The following SLC2A14 variants were observed in gnomAD, a reference collection of about 807,000 sequenced individuals.
SLC2A14 encodes solute carrier family 2 member 14, also known as solute carrier family 2, facilitated glucose transporter member 14.
SLC2A14 carries 13 observed loss-of-function variants against 43.0 expected under a neutral mutation model. That is an observed-to-expected ratio of 0.30 (90% CI 0.20 to 0.48). SLC2A14 has a LOEUF of 0.48. Among genes scored for constraint, SLC2A14 ranks in the 20% least tolerant of loss-of-function variants. The probability of loss-of-function intolerance (pLI) is 0.99; values close to 1 mark genes in which losing one functional copy is unlikely to be tolerated. For missense variants in SLC2A14, 428 were observed against 620.4 expected, an observed-to-expected ratio of 0.69 and a Z score of 3.29; for synonymous variants, 190 against 233.8, an observed-to-expected ratio of 0.81 and a Z score of 1.71.
intron 2 of SLC2A14, among the ~76,000 whole-genome samples, chr12:7,854,365 A>G (rs754973845): frequency 6.6e-6 from 1 of 152,266 alleles, no homozygotes; most frequent in South Asian, 2.1e-4. Context: ...ATACTCTTAG[A>G]TTCCTTCCAC....
At chr12:7,834,134 C>A (rs1009529500) in intron 2 of SLC2A14, among the ~76,000 whole-genome samples, 2 of 152,014 alleles carry the variant, frequency 1.3e-5, no homozygotes, top group Admixed American at 6.6e-5. Context: ...AAATCTTTTT[C>A]TTTTTAGTAA....
chr12:7,890,845 GC>G lies in SLC2A14; in HGVS notation c.132+150del, dbSNP rs1428007856. The stretch of plus-strand genomic sequence containing the variant: ...CTTTGGACAGCTGCGGGCAAGCTCA[GC>G]CTCGGTGAGTCTTGGTGGCCTTGAC... On this transcript the variant is annotated intron_variant, in intron 1 of 9. Coordinates refer to the SLC2A14 transcript ENST00000539924. 7.8e-6 allele frequency: 6 copies of G among 770,538 alleles called. No homozygotes were observed. The Admixed American group carries it at 2.0e-4, about 26-fold the overall frequency. The allele number at this position is 770,538 out of a possible 1,614,324, so 47.7% of individuals were successfully genotyped here.
intron 2 of SLC2A14, among the ~76,000 whole-genome samples, chr12:7,850,013 G>A (rs1426161890): frequency 1.4e-5 from 2 of 146,298 alleles, no homozygotes; most frequent in Non-Finnish European, 1.5e-5. Context: ...TGCTGGAGGG[G>A]ACAAGACAAG....
At chr12:7,833,703 C>A (rs1211547509) in intron 2 of SLC2A14, among the ~76,000 whole-genome samples, 1 of 151,848 alleles carries the variant, frequency 6.6e-6, no homozygotes, top group Non-Finnish European at 1.5e-5. Context: ...GATCGCTTGA[C>A]CCTGAGAGGC....
In SLC2A14 at chr12:7,836,062, CCCTT is replaced by C. The variant is rs1242598021; in HGVS notation, c.19-3252_19-3249del. ...GAAGGTCTTCCTTCCTCTTTCCTCT[CCCTT>C]CTTCAAAAATGAATCCGTTCCACAT... On this transcript the variant is annotated intron_variant, in intron 2 of 10. Coordinates refer to ENST00000431042, the MANE Select transcript of SLC2A14 (RefSeq NM_001286234.2). Among the ~76,000 whole-genome samples the C allele has an allele frequency of 2.6e-5, 4 of 152,144 alleles. No individual in the cohort carries two copies. In the East Asian group the frequency reaches 7.7e-4, roughly 29 times the overall value.
chr12:7,832,340 T>C (rs1592191198), intron 3 of SLC2A14, among the ~76,000 whole-genome samples: 4 of 152,146 alleles, frequency 2.6e-5, no homozygotes, highest in Admixed American at 2.6e-4. Context: ...CCCTAAGGGA[T>C]AATACAGGAA....
chr12:7,833,165 A>G (rs1865173330), intron 2 of SLC2A14, among the ~76,000 whole-genome samples: 1 of 152,196 alleles, frequency 6.6e-6, no homozygotes. Context: ...AAAGAGGACA[A>G]CACAGCCTTG....
chr12:7,867,498 A>C (rs7305822), intron 2 of SLC2A14, among the ~76,000 whole-genome samples: 1 of 151,590 alleles, frequency 6.6e-6, no homozygotes. Context: ...GAATTGTTGC[A>C]ATCTCATAAG....
upstream of SLC2A14, among the ~76,000 whole-genome samples, chr12:7,874,823 TA>T (rs1242125562): frequency 4.7e-5 from 3 of 63,208 alleles, no homozygotes; most frequent in African/African-American, 1.9e-4. Flanking sequence ...TATTTATATA[TA>T]AATTATATAT....
At position 7,827,073 on chromosome 12, in the gene SLC2A14, CTCTTTCTTTCTTTCTTTCTTTCTCTT is replaced by C. The variant is rs1426537691; in HGVS notation, c.864+396_864+421del. On this transcript the variant is annotated intron_variant, in intron 7 of 10. Coordinates refer to ENST00000431042, the MANE Select transcript of SLC2A14 (RefSeq NM_001286234.2). ...TCTCTCTCTCTTTCTTTCTCTCTCT[CTCTTTCTTTCTTTCTTTCTTTCTCTT>C]TCTTTCTTTCTTTCTTTTTATTTCT... is the stretch of plus-strand genomic sequence containing the variant. Among the ~76,000 whole-genome samples, 13 of 118,162 alleles carry C rather than the reference CTCTTTCTTTCTTTCTTTCTTTCTCTT, an allele frequency of 1.1e-4. No individual in the cohort carries two copies. The South Asian group carries it at 3.7e-3, about 33-fold the overall frequency. The allele number at this position is 118,162 out of a possible 152,430, so 77.5% of individuals were successfully genotyped here. A position where few individuals can be genotyped will look rare whatever the true frequency, so the allele number is the denominator to read the frequency against.
At chr12:7,841,742 T>C (rs1459401026) in intron 2 of SLC2A14, among the ~76,000 whole-genome samples, 2 of 152,114 alleles carry the variant, frequency 1.3e-5, no homozygotes, top group Admixed American at 6.6e-5. Context: ...GTGCAGTGGC[T>C]AACGCCTGTA....
At chr12:7,887,063 C>G (rs772769009) in intron 1 of SLC2A14, among the ~76,000 whole-genome samples, 2 of 151,998 alleles carry the variant, frequency 1.3e-5, no homozygotes, top group East Asian at 1.9e-4. Flanking sequence ...AGGCACCCAC[C>G]ACCACGCCCG....
chr12:7,855,500 G>A (rs1867285890), intron 2 of SLC2A14, among the ~76,000 whole-genome samples: 1 of 152,004 alleles, frequency 6.6e-6, no homozygotes, highest in Non-Finnish European at 1.5e-5. Flanking sequence ...CAGCAAAGTT[G>A]GGAGCTTAAG....
upstream of SLC2A14, among the ~76,000 whole-genome samples, chr12:7,875,015 A>T (rs1392429473): frequency 6.1e-4 from 66 of 107,416 alleles, 6 homozygotes; most frequent in South Asian, 1.6e-3. Flanking sequence ...CATATATAAA[A>T]ATTATATATA....
At chr12:7,882,194 A>G (rs1365388363) in intron 1 of SLC2A14, among the ~76,000 whole-genome samples, 1 of 151,990 alleles carries the variant, frequency 6.6e-6, no homozygotes, top group Non-Finnish European at 1.5e-5. Context: ...CTGTAGCTTT[A>G]CTTTTGAAGC....
chr12:7,831,099 A>G (rs6488691), intron 4 of SLC2A14, among the ~76,000 whole-genome samples: 148,602 of 149,108 alleles, frequency 1, 74,053 homozygotes, highest in Middle Eastern at 1. Context: ...ACTCCAGCCT[A>G]GGTGACAAGA....
chr12:7,843,972 TA>T (rs1253186172), intron 2 of SLC2A14, among the ~76,000 whole-genome samples: 2 of 151,324 alleles, frequency 1.3e-5, no homozygotes, highest in Admixed American at 6.6e-5. Context: ...TCTTTTCTTT[TA>T]TTTTTTTCTA....
intron 2 of SLC2A14, among the ~76,000 whole-genome samples, chr12:7,833,277 GGTA>G (rs1291753021): frequency 6.6e-6 from 1 of 152,122 alleles, no homozygotes; most frequent in Admixed American, 6.5e-5. Context: ...AGGGGGAGGT[GGTA>G]GTAGTTTGTG....
Position 7,818,042 on chromosome 12 carries a change from A to C in SLC2A14, c.1072-8T>G. The C allele has an allele frequency of 6.2e-7, 1 of 1,611,808 alleles. No individual in the cohort carries two copies. Among genetic ancestry groups the C allele is most frequent in the South Asian group, 1.1e-5 (1 of 90,810 alleles). On this transcript the variant is annotated splice_polypyrimidine_tract_variant and splice_region_variant and intron_variant, in intron 9 of 10. Coordinates refer to ENST00000431042, the MANE Select transcript of SLC2A14 (RefSeq NM_001286234.2). Reference sequence around the variant, plus strand: ...CATCCCATTATAGTGATTCTGTAAGAGGAAGGAACACAGAAGATTAAATTT... The same window carrying C: ...CATCCCATTATAGTGATTCTGTAAGCGGAAGGAACACAGAAGATTAAATTT...
Sources: allele counts gnomAD v4.1 joint callset (sites outside exome capture counted in the v4.1 genomes callset), GRCh38; gene constraint gnomAD v4.1.1; transcripts MANE v1.5; gene names NCBI Gene and HGNC (gene_info 2026-07-23, HGNC 2026-07-21).